Variants in DPP10 observed in about 807,000 individuals in gnomAD.
DPP10 encodes the protein dipeptidyl peptidase like 10.
In DPP10, 33 loss-of-function variants were observed where a neutral mutation model predicts 120.9. The ratio of observed to expected loss-of-function variants is 0.27; its 90% CI spans 0.21 to 0.37. DPP10 has a LOEUF of 0.37. Ranked by LOEUF, DPP10 falls within the 10% of genes least tolerant of loss-of-function variation. DPP10 has a pLI of 1.00. For missense variants in DPP10, 816 were observed against 942.8 expected (o/e 0.87, Z 1.76); for synonymous variants, 337 against 326.1 (o/e 1.03, Z -0.36).
chr2:115,607,285 TTAA>T (rs1401553338), intron 5 of DPP10, among the ~76,000 whole-genome samples: 4 of 152,118 alleles, frequency 2.6e-5, no homozygotes, highest in South Asian at 2.1e-4. Flanking sequence ...ATTCAAACAT[TTAA>T]TAATAATATA....
In DPP10 at chr2:115,801,577, A is replaced by G. The variant is rs1685243472; in HGVS notation, c.1700+10221A>G. Reference sequence around the variant, plus strand: ...ATGATATTGGCTGTGGGTTTGTCATAAATAGCTCTTATTATTTGAGATACG... The same window carrying G: ...ATGATATTGGCTGTGGGTTTGTCATGAATAGCTCTTATTATTTGAGATACG... On this transcript the variant is annotated intron_variant, in intron 19 of 25. Transcript: ENST00000410059. 2.0e-5 allele frequency among the ~76,000 whole-genome samples: 3 copies of G among 152,130 alleles called. No homozygotes were observed. In the South Asian group the frequency reaches 6.2e-4, roughly 32 times the overall value.
chr2:115,348,483 T>C (rs895887719), intron 3 of DPP10, among the ~76,000 whole-genome samples: 12 of 152,188 alleles, frequency 7.9e-5, no homozygotes, highest in Admixed American at 5.2e-4. Context: ...TGTGTTTACA[T>C]AGTTTTTTTT....
intron 3 of DPP10, among the ~76,000 whole-genome samples, chr2:115,491,914 G>T (rs920944632): frequency 1.3e-5 from 2 of 152,116 alleles, no homozygotes; most frequent in Non-Finnish European, 2.9e-5. Context: ...AAGGCAGGAG[G>T]ATTCTCACTA....
intron 7 of DPP10, among the ~76,000 whole-genome samples, chr2:115,717,768 T>C (rs1336001213): frequency 6.6e-6 from 1 of 152,206 alleles, no homozygotes; most frequent in Non-Finnish European, 1.5e-5. Flanking sequence ...TGAATGGGCA[T>C]GCACCACATC....
At chr2:115,513,617 C>G (rs1429418193) in intron 4 of DPP10, among the ~76,000 whole-genome samples, 1 of 151,940 alleles carries the variant, frequency 6.6e-6, no homozygotes, top group East Asian at 1.9e-4. Flanking sequence ...AGATAAAATA[C>G]TAATTTAATT....
intron 1 of DPP10, among the ~76,000 whole-genome samples, chr2:114,608,271 T>C (rs1322806983): frequency 6.6e-6 from 1 of 151,908 alleles, no homozygotes; most frequent in Non-Finnish European, 1.5e-5. Context: ...TGCCATTCAA[T>C]CTCTGCTCAA....
intron 1 of DPP10, among the ~76,000 whole-genome samples, chr2:114,473,594 A>C (rs1480792632): frequency 2.0e-5 from 3 of 152,204 alleles, no homozygotes; most frequent in Non-Finnish European, 4.4e-5. Context: ...GCAATCGAAG[A>C]TGTAGTTTAA....
intron 1 of DPP10, among the ~76,000 whole-genome samples, chr2:115,104,170 C>CT (rs35125894): frequency 0.39 from 32,804 of 84,698 alleles, 8,908 homozygotes; most frequent in Non-Finnish European, 0.47. Context: ...ATACATATGT[C>CT]TTTTTTTTTT....
intron 3 of DPP10, among the ~76,000 whole-genome samples, chr2:115,407,112 A>G (rs2068568262): frequency 6.6e-6 from 1 of 152,168 alleles, no homozygotes; most frequent in Non-Finnish European, 1.5e-5. Context: ...CAGGAACAGA[A>G]GAGGCCAGGC....
At chr2:114,452,835 A>G (rs1678364146) in intron 1 of DPP10, among the ~76,000 whole-genome samples, 1 of 152,106 alleles carries the variant, frequency 6.6e-6, no homozygotes, top group African/African-American at 2.4e-5. Context: ...GTTTTTCTCA[A>G]ACTAACTTCT....
intron 4 of DPP10, among the ~76,000 whole-genome samples, chr2:115,507,469 T>C (rs1344429436): frequency 6.6e-6 from 1 of 152,172 alleles, no homozygotes; most frequent in Non-Finnish European, 1.5e-5. Flanking sequence ...AATGATTAGT[T>C]GCTTAGGAAA....
intron 1 of DPP10, among the ~76,000 whole-genome samples, chr2:115,023,267 T>A (rs1703206429): frequency 6.6e-6 from 1 of 151,852 alleles, no homozygotes; most frequent in South Asian, 2.1e-4. Context: ...AAGACTAATA[T>A]CCAGAATCTA....
At chr2:114,829,025 A>G (rs1686821476) in intron 1 of DPP10, among the ~76,000 whole-genome samples, 1 of 152,190 alleles carries the variant, frequency 6.6e-6, no homozygotes, top group Non-Finnish European at 1.5e-5. Context: ...GCGGTGGCTC[A>G]GGCCTGTAAT....
chr2:114,545,839 A>T (rs1018103994), intron 1 of DPP10, among the ~76,000 whole-genome samples: 7 of 152,188 alleles, frequency 4.6e-5, no homozygotes, highest in African/African-American at 1.7e-4. Context: ...GGATTTCTTT[A>T]TACCGCAACC....
chr2:114,555,586 T>A (rs955536722), intron 1 of DPP10, among the ~76,000 whole-genome samples: 1 of 152,226 alleles, frequency 6.6e-6, no homozygotes, highest in Non-Finnish European at 1.5e-5. Flanking sequence ...GTACCTTCTA[T>A]GCTGCAGGCC....
At chr2:114,517,824 G>C (rs13426662) in intron 1 of DPP10, among the ~76,000 whole-genome samples, 4,570 of 152,238 alleles carry the variant, frequency 0.03, 195 homozygotes, top group African/African-American at 0.098. Context: ...CAGAGCGGAG[G>C]CTCAGAAATG....
intron 1 of DPP10, among the ~76,000 whole-genome samples, chr2:115,211,148 T>C (rs1341003471): frequency 6.6e-6 from 1 of 152,134 alleles, no homozygotes; most frequent in African/African-American, 2.4e-5. Context: ...ATTTAATTAT[T>C]ATTTTACAAA....
intron 2 of DPP10, among the ~76,000 whole-genome samples, chr2:115,325,827 T>C (rs1026786425): frequency 2.0e-5 from 3 of 152,120 alleles, no homozygotes; most frequent in South Asian, 2.1e-4. Context: ...TGCTCCTCTG[T>C]TAATTCTTTT....
chr2:114,918,448 C>G (rs1694962010), intron 1 of DPP10, among the ~76,000 whole-genome samples: 1 of 152,128 alleles, frequency 6.6e-6, no homozygotes, highest in South Asian at 2.1e-4. Context: ...TTACTGGGTA[C>G]TTACCCAAAG....
Sources: gnomAD v4.1 joint callset for allele counts (sites outside exome capture counted in the v4.1 genomes callset) on GRCh38, gnomAD v4.1.1 for gene constraint, MANE v1.5 for transcripts, NCBI Gene and HGNC (gene_info 2026-07-23, HGNC 2026-07-21) for gene names.